Variants in FZR1 observed in about 807,000 individuals in gnomAD.
FZR1 encodes fizzy-related protein homolog.
In FZR1, 11 loss-of-function variants were observed where a neutral mutation model predicts 63.6. The ratio of observed to expected loss-of-function variants is 0.17; its 90% CI spans 0.11 to 0.29. FZR1 has a LOEUF of 0.29. Ranked by LOEUF, FZR1 falls within the 10% of genes least tolerant of loss-of-function variation. FZR1 has a pLI of 1.00. For synonymous variants in FZR1, 328 were observed against 297.9 expected, an observed-to-expected ratio of 1.10 and a Z score of -1.04; for missense variants, 440 against 687.5, an observed-to-expected ratio of 0.64 and a Z score of 4.03.
At position 3,525,543 on chromosome 19, in the gene FZR1, T is replaced by C. The variant is rs1048415685; in HGVS notation, c.70-325T>C. ...CTGCAAGCTCCGCCTCCCAGGTTCA[T>C]GCCATTCTCCTGCCTCAGCCTCCCG... On this transcript the variant is annotated intron_variant, in intron 2 of 13. Transcript: ENST00000441788. This position sits in a 1 kb window ranked among gnomAD's most constrained non-coding sequence, Gnocchi z 4.2. Among the ~76,000 whole-genome samples, 1 of 143,850 alleles carries C rather than the reference T, an allele frequency of 7.0e-6. No homozygotes were observed. The highest frequency in any genetic ancestry group is 1.5e-5 in the Non-Finnish European group (1 of 66,392). 94.4% of individuals were successfully genotyped at this position (143,850 alleles called of 152,430 possible). A position where few individuals can be genotyped will look rare whatever the true frequency, so the allele number is the denominator to read the frequency against.
At position 3,527,615 on chromosome 19, in the gene FZR1, G is replaced by T; in HGVS notation, c.471-16G>T. On this transcript the variant is annotated splice_polypyrimidine_tract_variant and intron_variant, in intron 6 of 13. Transcript: ENST00000441788. ...AAGTGCCGTGGCTCACGGATGCCAC[G>T]TGGCCGCCTCTGCAGCCAGAAGCTG... 5 of 1,594,198 alleles carry T rather than the reference G, an allele frequency of 3.1e-6. No individual in the cohort carries two copies. Among genetic ancestry groups the T allele is most frequent in the Non-Finnish European group, 4.3e-6 (5 of 1,170,992 alleles).
rs3040391 is a variant in FZR1, at chr19:3,534,227, T to TAAAA, written c.1348-177_1348-174dup. Reference sequence around the variant, plus strand: ...ACAGAGCCAGACCCCGTCTTAAAATTAAAAAAAAAAAAAAAAAAAAGGCTC... The same window carrying TAAAA: ...ACAGAGCCAGACCCCGTCTTAAAATTAAAAAAAAAAAAAAAAAAAAAAAAGGCTC... On this transcript the variant is annotated intron_variant, in intron 12 of 13. Coordinates refer to ENST00000441788, the MANE Select transcript of FZR1 (RefSeq NM_016263.4). 5.3e-4 allele frequency: 149 copies of TAAAA among 283,020 alleles called. 1 individual carries two copies. The highest frequency in any genetic ancestry group is 4.2e-3 in the African/African-American group (115 of 27,516). The allele number at this position is 283,020 out of a possible 1,614,324, so 17.5% of individuals were successfully genotyped here.
rs57486013 is a variant in FZR1 at position 3,525,432 on chromosome 19, CTTTTTTTT to C, written c.70-415_70-408del. On this transcript the variant is annotated intron_variant, in intron 2 of 13. Coordinates refer to ENST00000441788, the MANE Select transcript of FZR1 (RefSeq NM_016263.4). The surrounding 1 kb of genome is among the most constrained non-coding windows in gnomAD (Gnocchi z 4.2). ...TGTGTGGCTCCCCTCCTTGGGTTTT[CTTTTTTTT>C]TTTTTTTTTTTTTTTTTTTTGAGAC... Among the ~76,000 whole-genome samples the C allele has an allele frequency of 1.3e-4, 9 of 68,700 alleles. No homozygotes were observed. Among genetic ancestry groups the C allele is most frequent in the Non-Finnish European group, 1.6e-4 (6 of 37,888 alleles). 45.1% of individuals were successfully genotyped at this position (68,700 alleles called of 152,430 possible). A position where few individuals can be genotyped will look rare whatever the true frequency, so the allele number is the denominator to read the frequency against.
Position 3,516,849 on chromosome 19 carries a change from T to C in FZR1, c.-34-6107T>C, listed in dbSNP as rs2083062182. Among the ~76,000 whole-genome samples, 1 of 152,240 alleles carries C rather than the reference T, an allele frequency of 6.6e-6. No individual in the cohort carries two copies. The highest frequency in any genetic ancestry group is 2.4e-5 in the African/African-American group (1 of 41,466). On this transcript the variant is annotated intron_variant, in intron 1 of 13. Coordinates refer to ENST00000441788, the MANE Select transcript of FZR1 (RefSeq NM_016263.4). This position sits in a 1 kb window ranked among gnomAD's most constrained non-coding sequence, Gnocchi z 6.0. ...GGGCCATTGGCTCACGGCGTCTCTG[T>C]TGCCCCGGAGGGCTTGTCAGGTGCA...
rs1568244210 is a variant in FZR1 at position 3,536,989 on chromosome 19, T to C, written c.*2153T>C. The C allele has an allele frequency of 7.2e-6, 1 of 139,064 alleles. No homozygotes were observed. The highest frequency in any genetic ancestry group is 1.5e-5 in the Non-Finnish European group (1 of 64,582). The allele number at this position is 139,064 out of a possible 1,614,324, so 8.6% of individuals were successfully genotyped here. On this transcript the variant is annotated 3_prime_UTR_variant, in exon 14 of 14. Coordinates refer to ENST00000441788, the MANE Select transcript of FZR1 (RefSeq NM_016263.4). ...AAGGACTGGACTCCAGGCAAGTCCC[T>C]GCGCTCCAGCTGGACGGCCCTGTTC...
chr19:3,532,144 C>G, intron 10 of FZR1, 49 bp downstream of exon 10: 1 of 1,440,614 alleles, frequency 6.9e-7, no homozygotes. Flanking sequence ...AGCCGCACCC[C>G]TCACACTGGC....
At position 3,531,716 on chromosome 19, in the gene FZR1, G is replaced by A; in HGVS notation, c.723G>A (p.Gly241=). 2 of 1,548,280 alleles carry A rather than the reference G, an allele frequency of 1.3e-6. No homozygotes were observed. Among genetic ancestry groups the A allele is most frequent in the Non-Finnish European group, 1.7e-6 (2 of 1,145,160 alleles). ...SVTSVGWSER[G]NLVAVGTHKG... is the part of the protein sequence containing the mutation. ...TCTGCCCATGCCTTCCATCCTAGGG[G>A]AACCTGGTGGCGGTGGGCACACACA... Residue 241 remains glycine (G), a splice_region_variant and synonymous_variant, in exon 9 of 14, where the codon GGG becomes GGA. Transcript: ENST00000441788.
At chr19:3,530,402 G>A (rs1228946868) in intron 7 of FZR1, among the ~76,000 whole-genome samples, 5 of 133,902 alleles carry the variant, frequency 3.7e-5, no homozygotes, top group African/African-American at 1.4e-4. Context: ...GTGAGCGGAT[G>A]GGAGAGCGCA....
At chr19:3,517,572 C>T (rs1281042426) in intron 1 of FZR1, among the ~76,000 whole-genome samples, 1 of 151,956 alleles carries the variant, frequency 6.6e-6, no homozygotes, top group African/African-American at 2.4e-5. Context: ...CCTGTAATCC[C>T]AGCTACTTGA....
In FZR1 at chr19:3,515,784, G is replaced by T. The variant is rs1324855814; in HGVS notation, c.-34-7172G>T. On this transcript the variant is annotated intron_variant, in intron 1 of 13. Coordinates refer to ENST00000441788, the MANE Select transcript of FZR1 (RefSeq NM_016263.4). The surrounding 1 kb of genome is among the most constrained non-coding windows in gnomAD (Gnocchi z 4.6). ...CCGTCTCTAAAAAAAAAAAAAAAAG[G>T]AATTCAAGAAGTACAAAACGAGGTG... Among the ~76,000 whole-genome samples, 1 of 147,518 alleles carries T rather than the reference G, an allele frequency of 6.8e-6. No individual in the cohort carries two copies. The highest frequency in any genetic ancestry group is 6.8e-5 in the Admixed American group (1 of 14,794).
At chr19:3,513,430 G>A (rs1474451090) in intron 1 of FZR1, among the ~76,000 whole-genome samples, 1 of 152,240 alleles carries the variant, frequency 6.6e-6, no homozygotes, top group East Asian at 1.9e-4. Flanking sequence ...GCCAGGGAGT[G>A]GGCACAGAGC....
chr19:3,532,325 G>T, intron 10 of FZR1, 92 bp from the exon 11 acceptor site: 1 of 990,272 alleles, frequency 1.0e-6, no homozygotes, highest in Non-Finnish European at 1.5e-6. Flanking sequence ...AGTGTGGGGT[G>T]GGGTGCCAGG....
In FZR1 at chr19:3,527,179, A is replaced by AGGGG. The variant is rs1407606253; in HGVS notation, c.470+119_470+122dup. The AGGGG allele has an allele frequency of 2.1e-5, 17 of 826,086 alleles. No individual in the cohort carries two copies. The East Asian group carries it at 3.7e-4, about 18-fold the overall frequency. The allele number at this position is 826,086 out of a possible 1,614,324, so 51.2% of individuals were successfully genotyped here. A position where few individuals can be genotyped will look rare whatever the true frequency, so the allele number is the denominator to read the frequency against. On this transcript the variant is annotated intron_variant, in intron 6 of 13. Transcript: ENST00000441788. The stretch of plus-strand genomic sequence containing the variant: ...TGCGGGTCCTGGTGGGCGAGGCTGA[A>AGGGG]GGGGGCTTCCCAGGGCATAGTGGCC...
In FZR1 at chr19:3,514,830, A is replaced by T. The variant is rs2083046970; in HGVS notation, c.-34-8126A>T. Among the ~76,000 whole-genome samples, 1 of 152,180 alleles carries T rather than the reference A, an allele frequency of 6.6e-6. No homozygotes were observed. The highest frequency in any genetic ancestry group is 1.5e-5 in the Non-Finnish European group (1 of 68,020). ...ACGGGGGCCCTGTCACTGTTTTGTC[A>T]GGTGACTGGGTCATGCCCATTTCCC... is the stretch of plus-strand genomic sequence containing the variant. On this transcript the variant is annotated intron_variant, in intron 1 of 13. Transcript: ENST00000441788. The surrounding 1 kb of genome is among the most constrained non-coding windows in gnomAD (Gnocchi z 4.2).
chr19:3,513,616 G>C (rs990934132), intron 1 of FZR1, among the ~76,000 whole-genome samples: 1 of 152,180 alleles, frequency 6.6e-6, no homozygotes, highest in African/African-American at 2.4e-5. Context: ...TGGTAGGCAC[G>C]GGCAAGGTTT....
At chr19:3,507,584 G>C (rs2082994032) in intron 1 of FZR1, among the ~76,000 whole-genome samples, 1 of 152,094 alleles carries the variant, frequency 6.6e-6, no homozygotes, top group African/African-American at 2.4e-5. Flanking sequence ...TCCGTGGTGA[G>C]GCCCCCACCC....
At chr19:3,509,248 C>T (rs1206286439) in intron 1 of FZR1, among the ~76,000 whole-genome samples, 1 of 152,210 alleles carries the variant, frequency 6.6e-6, no homozygotes, top group East Asian at 1.9e-4. Context: ...AGGTGACTGC[C>T]TTCCTCTGCC....
At chr19:3,529,109 GGA>G (rs1403282719) in intron 7 of FZR1, among the ~76,000 whole-genome samples, 1 of 94,416 alleles carries the variant, frequency 1.1e-5, no homozygotes, top group African/African-American at 3.8e-5. Flanking sequence ...TGAGCGGATG[GGA>G]GAGCGGATGG....
At chr19:3,530,959 C>T (rs896160141) in intron 8 of FZR1, 102 bp downstream of exon 8, 15 of 807,370 alleles carry the variant, frequency 1.9e-5, no homozygotes, top group Non-Finnish European at 2.2e-5. Context: ...GGCCTGAGGT[C>T]GCCTGTGTCC....
Sources: allele counts gnomAD v4.1 joint callset (sites outside exome capture counted in the v4.1 genomes callset), GRCh38; gene constraint gnomAD v4.1.1; non-coding constraint Gnocchi (gnomAD v3.1); transcripts MANE v1.5; gene names NCBI Gene and HGNC (gene_info 2026-07-23, HGNC 2026-07-21).